Variants in TBC1D12 observed in about 807,000 individuals in gnomAD.
TBC1D12 encodes TBC1 domain family member 12.
A neutral mutation model predicts 86.7 loss-of-function variants in TBC1D12; 56 were observed. The ratio of observed to expected loss-of-function variants is 0.65; its 90% CI spans 0.52 to 0.81. The LOEUF (loss-of-function observed/expected upper bound fraction) is 0.81. Ranked by LOEUF, TBC1D12 falls within the 30% of genes least tolerant of loss-of-function variation. TBC1D12 has a pLI of 0.00. For synonymous variants in TBC1D12, 421 were observed against 411.7 expected (o/e 1.02, Z -0.27); for missense variants, 1,023 against 1,038.8 (o/e 0.98, Z 0.21).
intron 1 of TBC1D12, 117 bp downstream of exon 1, chr10:94,403,701 C>G: frequency 8.0e-7 from 1 of 1,244,378 alleles, no homozygotes. Flanking sequence ...TCGGCCGCTT[C>G]CGTGCCAGCC....
intron 12 of TBC1D12, among the ~76,000 whole-genome samples, chr10:94,531,933 T>C (rs1317374382): frequency 6.6e-6 from 1 of 151,526 alleles, no homozygotes; most frequent in Non-Finnish European, 1.5e-5. Context: ...CAGGCTGGAG[T>C]GCAGTGGTGT....
Position 94,474,789 on chromosome 10 carries a change from T to C in TBC1D12, c.1211+6T>C, listed in dbSNP as rs368543403. 1.1e-4 allele frequency: 177 copies of C among 1,607,492 alleles called. No homozygotes were observed. Among genetic ancestry groups the C allele is most frequent in the Non-Finnish European group, 1.5e-4 (175 of 1,174,564 alleles). ...ATTCTTGAGGATCGACCATCGTAAG[T>C]ATTTTAGTGATAATCAGTGACATTG... On this transcript the variant is annotated splice_donor_region_variant and intron_variant, in intron 3 of 12. Coordinates refer to ENST00000225235, the MANE Select transcript of TBC1D12 (RefSeq NM_015188.2).
rs1842173910 is a variant in TBC1D12, at chr10:94,522,328, A to G, written c.1891-16A>G. On this transcript the variant is annotated splice_polypyrimidine_tract_variant and intron_variant, in intron 10 of 12. Transcript: ENST00000225235. ...ACTATATACTTTCATAATTTTATTG[A>G]TTTTTTAATCTTTAGATGTTGAAAT... The G allele has an allele frequency of 2.3e-6, 3 of 1,292,448 alleles. No individual in the cohort carries two copies. The African/African-American group carries it at 4.5e-5, about 19-fold the overall frequency. 80.1% of individuals were successfully genotyped at this position (1,292,448 alleles called of 1,614,324 possible).
At chr10:94,472,764 T>G (rs2055927506) in intron 2 of TBC1D12, among the ~76,000 whole-genome samples, 3 of 152,110 alleles carry the variant, frequency 2.0e-5, no homozygotes, top group Non-Finnish European at 4.4e-5. Flanking sequence ...ATGAGTGACA[T>G]TATTGTTTTT....
chr10:94,506,577 CTT>C (rs1194929119), intron 6 of TBC1D12, among the ~76,000 whole-genome samples: 1 of 152,006 alleles, frequency 6.6e-6, no homozygotes, highest in Non-Finnish European at 1.5e-5. Flanking sequence ...ATTGAGAAAA[CTT>C]TTGAAATCTT....
intron 3 of TBC1D12, among the ~76,000 whole-genome samples, chr10:94,475,491 T>A (rs1292767722): frequency 6.6e-6 from 1 of 152,062 alleles, no homozygotes; most frequent in Non-Finnish European, 1.5e-5. Context: ...AGTGTAATGG[T>A]GCGATCTCAG....
In TBC1D12 at chr10:94,536,173, GT is replaced by G. The variant is rs1208132596; in HGVS notation, c.*3079del. 1.3e-5 allele frequency among the ~76,000 whole-genome samples: 2 copies of G among 151,658 alleles called. No individual in the cohort carries two copies. The highest frequency in any genetic ancestry group is 2.9e-5 in the Non-Finnish European group (2 of 67,878). On this transcript the variant is annotated 3_prime_UTR_variant, in exon 13 of 13. Coordinates refer to ENST00000225235, the MANE Select transcript of TBC1D12 (RefSeq NM_015188.2). Reference sequence around the variant, plus strand: ...TGGTCAGTATATGGCAGTTTTTGTTGTTGTTGTTACAGTATATTTTCAATTA... The same window carrying G: ...TGGTCAGTATATGGCAGTTTTTGTTGTGTTGTTACAGTATATTTTCAATTA...
intron 1 of TBC1D12, among the ~76,000 whole-genome samples, chr10:94,404,145 T>C (rs1175483253): frequency 6.6e-6 from 1 of 152,182 alleles, no homozygotes; most frequent in Admixed American, 6.5e-5. Context: ...TTGTGCTTCA[T>C]AGTGTTTAAT....
chr10:94,522,679 C>T (rs1020447634), intron 11 of TBC1D12, among the ~76,000 whole-genome samples: 3 of 151,922 alleles, frequency 2.0e-5, no homozygotes, highest in Admixed American at 6.6e-5. Flanking sequence ...TTTGGGAGGC[C>T]GAGGTGGGCG....
chr10:94,520,398 C>A (rs1399221545), intron 9 of TBC1D12, among the ~76,000 whole-genome samples: 1 of 151,842 alleles, frequency 6.6e-6, no homozygotes, highest in Admixed American at 6.6e-5. Context: ...ACTAAAAATA[C>A]AAAATTAGCC....
At chr10:94,522,126 G>A in intron 10 of TBC1D12, 43 bp downstream of exon 10, 8 of 1,591,524 alleles carry the variant, frequency 5.0e-6, no homozygotes, top group Non-Finnish European at 6.9e-6. Context: ...TAGTTTGAAT[G>A]CCCTCTTAGA....
chr10:94,484,970 AT>A (rs1307646904), intron 3 of TBC1D12, among the ~76,000 whole-genome samples: 2 of 152,090 alleles, frequency 1.3e-5, no homozygotes, highest in Non-Finnish European at 2.9e-5. Context: ...ACTTTACTGA[AT>A]TTGTTTATCA....
chr10:94,428,167 T>C (rs2055171243), intron 1 of TBC1D12, among the ~76,000 whole-genome samples: 1 of 152,024 alleles, frequency 6.6e-6, no homozygotes, highest in Admixed American at 6.6e-5. Flanking sequence ...CACTTAGTAG[T>C]GTGACCTTGG....
intron 3 of TBC1D12, 122 bp downstream of exon 3, chr10:94,474,905 A>AC (rs2055965869): frequency 5.5e-6 from 5 of 910,404 alleles, no homozygotes; most frequent in Non-Finnish European, 8.2e-6. Context: ...TACAAAATTT[A>AC]ATCCCTGTTG....
intron 1 of TBC1D12, among the ~76,000 whole-genome samples, chr10:94,411,477 C>T (rs898177338): frequency 3.9e-5 from 6 of 152,120 alleles, no homozygotes; most frequent in Non-Finnish European, 8.8e-5. Flanking sequence ...AATCCCAGCA[C>T]GTTGGGAAGC....
At chr10:94,488,604 C>A (rs1331897649) in intron 3 of TBC1D12, among the ~76,000 whole-genome samples, 1 of 150,520 alleles carries the variant, frequency 6.6e-6, no homozygotes, top group Admixed American at 6.6e-5. Flanking sequence ...GTTGGCCAGG[C>A]TGGTCTTGAA....
intron 1 of TBC1D12, among the ~76,000 whole-genome samples, chr10:94,418,577 T>A (rs968060965): frequency 1.1e-4 from 17 of 150,986 alleles, no homozygotes; most frequent in African/African-American, 2.7e-4. Context: ...TTATTATTAT[T>A]ATTATATTAT....
chr10:94,470,725 T>A (rs989186912), intron 2 of TBC1D12, among the ~76,000 whole-genome samples: 1 of 147,776 alleles, frequency 6.8e-6, no homozygotes, highest in African/African-American at 2.5e-5. Context: ...TTTTTTTTAA[T>A]CCAGGAGTGC....
intron 3 of TBC1D12, among the ~76,000 whole-genome samples, chr10:94,483,103 G>A (rs939855922): frequency 2.1e-5 from 3 of 143,040 alleles, no homozygotes; most frequent in Non-Finnish European, 4.5e-5. Context: ...ACAGTGGCAC[G>A]ATCTTGGCTC....
Sources: gnomAD v4.1 joint callset for allele counts (sites outside exome capture counted in the v4.1 genomes callset) on GRCh38, gnomAD v4.1.1 for gene constraint, MANE v1.5 for transcripts, NCBI Gene and HGNC (gene_info 2026-07-23, HGNC 2026-07-21) for gene names.